Variants in TPMT observed in about 807,000 individuals in gnomAD.
TPMT encodes S-adenosyl-L-methionine:thiopurine S-methyltransferase.
A neutral mutation model predicts 34.2 loss-of-function variants in TPMT; 18 were observed. That is an observed-to-expected ratio of 0.53 (90% CI 0.36 to 0.78). The LOEUF is 0.78. Among genes scored for constraint, TPMT ranks in the 30% least tolerant of loss-of-function variants. The probability of loss-of-function intolerance (pLI) is 0.00; values close to 1 mark genes in which losing one functional copy is unlikely to be tolerated. For missense variants in TPMT, 265 were observed against 288.1 expected, an observed-to-expected ratio of 0.92 and a Z score of 0.58; for synonymous variants, 69 against 92.4, an observed-to-expected ratio of 0.75 and a Z score of 1.45.
rs1486463780 is a variant in TPMT at position 18,154,648 on chromosome 6, C to T, written c.-45+385G>A. Among the ~76,000 whole-genome samples, 1 of 152,102 alleles carries T rather than the reference C, an allele frequency of 6.6e-6. No homozygotes were observed. The highest frequency in any genetic ancestry group is 1.5e-5 in the Non-Finnish European group (1 of 68,026). On this transcript the variant is annotated intron_variant, in intron 1 of 8. Transcript: ENST00000309983. The surrounding 1 kb of genome is among the most constrained non-coding windows in gnomAD (Gnocchi z 4.2). ...ATTAGCCAAGCGTGGTGCAGCGAGC[C>T]TGTAGTCCCAGTTACCGAGGAGGCT...
At chr6:18,151,117 A>G (rs1000857495) in intron 1 of TPMT, among the ~76,000 whole-genome samples, 2 of 148,394 alleles carry the variant, frequency 1.3e-5, no homozygotes, top group African/African-American at 5.0e-5. Context: ...ATTTTTCTAT[A>G]TCTTCATGTT....
chr6:18,143,555 T>G lies in TPMT; in HGVS notation c.366+41A>C, dbSNP rs932885756. 3 of 1,611,192 alleles carry G rather than the reference T, an allele frequency of 1.9e-6. No individual in the cohort carries two copies. Among genetic ancestry groups the G allele is most frequent in the Middle Eastern group, 2.3e-4 (1 of 4,440 alleles). On this transcript the variant is annotated intron_variant, in intron 4 of 8. Coordinates refer to ENST00000309983, the MANE Select transcript of TPMT (RefSeq NM_000367.5). The surrounding 1 kb of genome is among the most constrained non-coding windows in gnomAD (Gnocchi z 6.1). The stretch of plus-strand genomic sequence containing the variant: ...ATACTCACACTGAGAAAAACTTTTG[T>G]GGGGATATGGATACAATTATTTACC...
At position 18,132,895 on chromosome 6, in the gene TPMT, A is replaced by C; in HGVS notation, c.581-718T>G. On this transcript the variant is annotated intron_variant, in intron 7 of 8. Coordinates refer to ENST00000309983, the MANE Select transcript of TPMT (RefSeq NM_000367.5). The surrounding 1 kb of genome is among the most constrained non-coding windows in gnomAD (Gnocchi z 4.8). Reference sequence around the variant, plus strand: ...GATCACCTGAGGTCAGGAGTTCCAGACCAGCTTGGCCAACATGGTGAAATC... The same window carrying C: ...GATCACCTGAGGTCAGGAGTTCCAGCCCAGCTTGGCCAACATGGTGAAATC... 6.6e-6 allele frequency among the ~76,000 whole-genome samples: 1 copy of C among 152,070 alleles called. No individual in the cohort carries two copies. The highest frequency in any genetic ancestry group is 1.9e-4 in the East Asian group (1 of 5,166).
At position 18,136,425 on chromosome 6, in the gene TPMT, C is replaced by T. The variant is rs1275076997; in HGVS notation, c.495-2536G>A. 1.3e-5 allele frequency among the ~76,000 whole-genome samples: 2 copies of T among 152,168 alleles called. No individual in the cohort carries two copies. The highest frequency in any genetic ancestry group is 4.8e-5 in the African/African-American group (2 of 41,520). On this transcript the variant is annotated intron_variant, in intron 6 of 8. Coordinates refer to ENST00000309983, the MANE Select transcript of TPMT (RefSeq NM_000367.5). The surrounding 1 kb of genome is among the most constrained non-coding windows in gnomAD (Gnocchi z 4.7). The stretch of plus-strand genomic sequence containing the variant: ...ATAATCTGTTCAGTTACTTGCCCCG[C>T]CTCTGGCATACTATCTATTTGGAAC...
Position 18,131,779 on chromosome 6 carries a change from A to C in TPMT, c.625+354T>G, listed in dbSNP as rs1019072313. The stretch of plus-strand genomic sequence containing the variant: ...AGATACTAATATACTAATAGTTCAC[A>C]ATAGGTTTTTTTTTTTTAGATGGAG... On this transcript the variant is annotated intron_variant, in intron 8 of 8. Coordinates refer to ENST00000309983, the MANE Select transcript of TPMT (RefSeq NM_000367.5). The surrounding 1 kb of genome is among the most constrained non-coding windows in gnomAD (Gnocchi z 4.3). 2.0e-5 allele frequency among the ~76,000 whole-genome samples: 3 copies of C among 151,846 alleles called. No individual in the cohort carries two copies. Among genetic ancestry groups the C allele is most frequent in the Non-Finnish European group, 2.9e-5 (2 of 67,960 alleles).
chr6:18,133,180 A>G (rs1176797983), intron 7 of TPMT, among the ~76,000 whole-genome samples: 1 of 152,218 alleles, frequency 6.6e-6, no homozygotes, highest in Non-Finnish European at 1.5e-5. Flanking sequence ...TTGAAAATCA[A>G]AAAGGTGACT....
In TPMT at chr6:18,133,845, T is replaced by C. The variant is rs75543815; in HGVS notation, c.539A>G (p.Tyr180Cys). The change falls in exon 7 of 9, where the codon TAT (tyrosine) becomes TGT (cysteine). Residue 180 changes from tyrosine to cysteine, a missense_variant. Transcript: ENST00000309983. ...ATCATAAGAAAGAACACACAGGAGA[T>C]ACTGAAACTTCTTTCCCAGGAGGGA... The part of the protein sequence containing the change: ...MFSLLGKKFQ[Y>C]LLCVLSYDPT... 1.2e-6 allele frequency: 2 copies of C among 1,611,810 alleles called. No individual in the cohort carries two copies. Among genetic ancestry groups the C allele is most frequent in the African/African-American group, 1.3e-5 (1 of 74,464 alleles).
chr6:18,151,573 G>GATTGATTGATTTATTT (rs1415941448), intron 1 of TPMT, among the ~76,000 whole-genome samples: 1 of 143,286 alleles, frequency 7.0e-6, no homozygotes, highest in African/African-American at 2.6e-5. Flanking sequence ...TGGAAACCTA[G>GATTGATTGATTTATTT]ATTTATTTAT....
chr6:18,135,391 A>G lies in TPMT; in HGVS notation c.495-1502T>C, dbSNP rs895417028. On this transcript the variant is annotated intron_variant, in intron 6 of 8. Transcript: ENST00000309983. This position sits in a 1 kb window ranked among gnomAD's most constrained non-coding sequence, Gnocchi z 5.0. Reference sequence around the variant, plus strand: ...AGTCCAGAAAAATGAGGTCTGCCCTACTGGTTTACATTAGGCAAGAACTCG... The same window carrying G: ...AGTCCAGAAAAATGAGGTCTGCCCTGCTGGTTTACATTAGGCAAGAACTCG... Among the ~76,000 whole-genome samples the G allele has an allele frequency of 7.9e-5, 12 of 152,140 alleles. No individual in the cohort carries two copies. Among genetic ancestry groups the G allele is most frequent in the Admixed American group, 7.9e-4 (12 of 15,274 alleles).
rs1373273331 is a variant in TPMT at position 18,129,365 on chromosome 6, G to A, written c.*1303C>T. The A allele has an allele frequency of 6.6e-6, 1 of 152,178 alleles. No individual in the cohort carries two copies. Among genetic ancestry groups the A allele is most frequent in the Non-Finnish European group, 1.5e-5 (1 of 68,050 alleles). 9.4% of individuals were successfully genotyped at this position (152,178 alleles called of 1,614,324 possible). Reference sequence around the variant, plus strand: ...AGAGGCTGACAAGACATATCTCTGGGGAGAGTACCGTAGCTTTCACCAGTG... The same window carrying A: ...AGAGGCTGACAAGACATATCTCTGGAGAGAGTACCGTAGCTTTCACCAGTG... On this transcript the variant is annotated 3_prime_UTR_variant, in exon 9 of 9. Transcript: ENST00000309983.
intron 4 of TPMT, among the ~76,000 whole-genome samples, chr6:18,142,931 G>T (rs1041702874): frequency 4.6e-5 from 7 of 152,002 alleles, no homozygotes; most frequent in Admixed American, 4.6e-4. Flanking sequence ...CTTGCTCAGG[G>T]ATTCATGATG....
At position 18,138,846 on chromosome 6, in the gene TPMT, C is replaced by A; in HGVS notation, c.494+117G>T. 1.1e-6 allele frequency: 1 copy of A among 872,796 alleles called. No individual in the cohort carries two copies. The highest frequency in any genetic ancestry group is 1.7e-5 in the African/African-American group (1 of 58,518). 54.1% of individuals were successfully genotyped at this position (872,796 alleles called of 1,614,324 possible). A position where few individuals can be genotyped will look rare whatever the true frequency, so the allele number is the denominator to read the frequency against. Reference sequence around the variant, plus strand: ...ATTGGATTTAGGTTTTTATAAATTCCAAACATAATAACCTATTTCAAACTC... The same window carrying A: ...ATTGGATTTAGGTTTTTATAAATTCAAAACATAATAACCTATTTCAAACTC... On this transcript the variant is annotated intron_variant, in intron 6 of 8. Coordinates refer to ENST00000309983, the MANE Select transcript of TPMT (RefSeq NM_000367.5). The surrounding 1 kb of genome is among the most constrained non-coding windows in gnomAD (Gnocchi z 4.1).
chr6:18,153,730 A>G lies in TPMT; in HGVS notation c.-45+1303T>C, dbSNP rs1213415608. On this transcript the variant is annotated intron_variant, in intron 1 of 8. Coordinates refer to ENST00000309983, the MANE Select transcript of TPMT (RefSeq NM_000367.5). The surrounding 1 kb of genome is among the most constrained non-coding windows in gnomAD (Gnocchi z 4.2). ...ATTTATATTGGGTACAGAAAAGCAA[A>G]AGAATGTTGCAGTTTTCTCATTTTC... Among the ~76,000 whole-genome samples, 1 of 152,204 alleles carries G rather than the reference A, an allele frequency of 6.6e-6. No individual in the cohort carries two copies. The highest frequency in any genetic ancestry group is 1.5e-5 in the Non-Finnish European group (1 of 68,034).
intron 7 of TPMT, among the ~76,000 whole-genome samples, chr6:18,133,305 A>T (rs1783981356): frequency 6.6e-6 from 1 of 152,256 alleles, no homozygotes; most frequent in Admixed American, 6.5e-5. Context: ...TTCAAAACAA[A>T]TAAAAGAATG....
Position 18,150,347 on chromosome 6 carries a change from T to C in TPMT, c.-44-1176A>G, listed in dbSNP as rs1222335658. Among the ~76,000 whole-genome samples, 2 of 152,232 alleles carry C rather than the reference T, an allele frequency of 1.3e-5. No homozygotes were observed. Among genetic ancestry groups the C allele is most frequent in the Admixed American group, 1.3e-4 (2 of 15,284 alleles). Reference sequence around the variant, plus strand: ...TATGTAGGCTTCATCACGTAGGCATTATTGTACTTACTCCTAATTCAACTC... The same window carrying C: ...TATGTAGGCTTCATCACGTAGGCATCATTGTACTTACTCCTAATTCAACTC... On this transcript the variant is annotated intron_variant, in intron 1 of 8. Coordinates refer to ENST00000309983, the MANE Select transcript of TPMT (RefSeq NM_000367.5). This position sits in a 1 kb window ranked among gnomAD's most constrained non-coding sequence, Gnocchi z 5.3.
rs1475446251 is a variant in TPMT at position 18,154,115 on chromosome 6, G to A, written c.-45+918C>T. 6.6e-6 allele frequency among the ~76,000 whole-genome samples: 1 copy of A among 152,090 alleles called. No individual in the cohort carries two copies. The highest frequency in any genetic ancestry group is 1.9e-4 in the East Asian group (1 of 5,182). Reference sequence around the variant, plus strand: ...AAATATTTTGTAGAGACAGGGTCTTGCTATGTTACCCAGGCTGGTCTCAAA... The same window carrying A: ...AAATATTTTGTAGAGACAGGGTCTTACTATGTTACCCAGGCTGGTCTCAAA... On this transcript the variant is annotated intron_variant, in intron 1 of 8. Transcript: ENST00000309983. The surrounding 1 kb of genome is among the most constrained non-coding windows in gnomAD (Gnocchi z 4.2).
intron 1 of TPMT, among the ~76,000 whole-genome samples, chr6:18,152,501 CTGAAAAAA>C (rs1784370819): frequency 6.6e-6 from 1 of 151,844 alleles, no homozygotes; most frequent in Non-Finnish European, 1.5e-5. Context: ...ACTAAGGAAA[CTGAAAAAA>C]GACATGTACA....
At chr6:18,142,427 A>G (rs938626930) in intron 4 of TPMT, among the ~76,000 whole-genome samples, 1 of 151,964 alleles carries the variant, frequency 6.6e-6, no homozygotes, top group Admixed American at 6.6e-5. Flanking sequence ...CATGCTCCCC[A>G]AACCAATCAC....
At chr6:18,147,680 A>G in intron 3 of TPMT, 143 bp downstream of exon 3, 1 of 716,532 alleles carries the variant, frequency 1.4e-6, no homozygotes, top group South Asian at 1.6e-5. Context: ...ATTATTTCCA[A>G]TTATATACCC....
Sources: allele counts gnomAD v4.1 joint callset (sites outside exome capture counted in the v4.1 genomes callset), GRCh38; gene constraint gnomAD v4.1.1; non-coding constraint Gnocchi (gnomAD v3.1); transcripts MANE v1.5; gene names NCBI Gene and HGNC (gene_info 2026-07-23, HGNC 2026-07-21).